RAD18: variants seen among roughly 807,000 people sequenced by gnomAD.
The protein encoded by RAD18 is RAD18 E3 ubiquitin protein ligase.
A neutral mutation model predicts 60.4 loss-of-function variants in RAD18; 47 were observed. That is an observed-to-expected ratio of 0.78 (90% CI 0.62 to 0.99). The LOEUF (loss-of-function observed/expected upper bound fraction) is 0.99, where lower values mean the gene tolerates loss of function less well. Among genes scored for constraint, RAD18 ranks in the 50% least tolerant of loss-of-function variants. The pLI is 0.00. For missense variants in RAD18, 640 were observed against 593.3 expected (o/e 1.08, Z -0.82); for synonymous variants, 225 against 195.5 (o/e 1.15, Z -1.26).
chr3:8,940,255 T>A (rs1201541010), intron 5 of RAD18, among the ~76,000 whole-genome samples: 1 of 152,120 alleles, frequency 6.6e-6, no homozygotes, highest in East Asian at 1.9e-4. Context: ...CCACCATGGA[T>A]AATAGGCAGA....
At chr3:8,946,455 G>A (rs1940841528) in intron 4 of RAD18, among the ~76,000 whole-genome samples, 1 of 152,188 alleles carries the variant, frequency 6.6e-6, no homozygotes, top group Non-Finnish European at 1.5e-5. Context: ...CTTAACTACA[G>A]GGGCACCTGA....
chr3:8,908,461 A>C lies in RAD18; in HGVS notation c.1027+3851T>G, dbSNP rs1575540708. ...CATAGAGGGAAGACGATGTCAAGAGACATAGGGAGAAGATGGCCATCTATA... is the reference window on the plus strand; with the variant it reads ...CATAGAGGGAAGACGATGTCAAGAGCCATAGGGAGAAGATGGCCATCTATA... On this transcript the variant is annotated intron_variant, in intron 9 of 12. Transcript: ENST00000264926. Among the ~76,000 whole-genome samples the C allele has an allele frequency of 3.9e-5, 6 of 152,224 alleles. No homozygotes were observed. In the South Asian group the frequency reaches 1.2e-3, roughly 32 times the overall value.
intron 1 of RAD18, among the ~76,000 whole-genome samples, chr3:8,962,444 CTACT>C (rs1228244968): frequency 1.3e-5 from 2 of 152,236 alleles, no homozygotes; most frequent in Non-Finnish European, 2.9e-5. Context: ...ACAAGGCCTT[CTACT>C]TACTTTAGCC....
intron 3 of RAD18, 122 bp from the exon 4 acceptor site, chr3:8,947,412 G>A: frequency 1.4e-6 from 1 of 735,250 alleles, no homozygotes. Flanking sequence ...GTCTTCTAAG[G>A]CAGCCTCAAA....
chr3:8,908,347 G>C (rs1377867871), intron 9 of RAD18, among the ~76,000 whole-genome samples: 1 of 151,428 alleles, frequency 6.6e-6, no homozygotes, highest in African/African-American at 2.4e-5. Context: ...GGAAATGACA[G>C]AGGAGCCACC....
chr3:8,930,440 T>C (rs964058844), intron 7 of RAD18, among the ~76,000 whole-genome samples: 2 of 152,188 alleles, frequency 1.3e-5, no homozygotes, highest in African/African-American at 4.8e-5. Flanking sequence ...GATACTGGGC[T>C]CTTTTCAGGG....
chr3:8,896,905 A>G (rs1486339358), intron 11 of RAD18, among the ~76,000 whole-genome samples: 3 of 152,212 alleles, frequency 2.0e-5, no homozygotes, highest in Non-Finnish European at 2.9e-5. Context: ...CCTTTTAGTC[A>G]ATCACTTTAA....
chr3:8,938,687 G>C (rs983521705), intron 6 of RAD18, among the ~76,000 whole-genome samples: 2 of 152,058 alleles, frequency 1.3e-5, no homozygotes, highest in Admixed American at 6.6e-5. Context: ...CTCTCTCCCT[G>C]GAAATAGTGG....
intron 7 of RAD18, among the ~76,000 whole-genome samples, chr3:8,928,776 C>G (rs1300561037): frequency 6.6e-6 from 1 of 152,136 alleles, no homozygotes; most frequent in African/African-American, 2.4e-5. Flanking sequence ...ATAGCATTTA[C>G]AGATCACTGC....
chr3:8,940,370 T>C (rs936635345), intron 5 of RAD18, among the ~76,000 whole-genome samples: 2 of 152,240 alleles, frequency 1.3e-5, no homozygotes, highest in South Asian at 4.1e-4. Context: ...GAAAAACAGT[T>C]AACCATCAAG....
At chr3:8,885,569 T>C (rs45551833) in intron 12 of RAD18, among the ~76,000 whole-genome samples, 4,492 of 152,280 alleles carry the variant, frequency 0.029, 217 homozygotes, top group African/African-American at 0.1. Context: ...TTATTTCTTA[T>C]AAATGATTAC....
intron 10 of RAD18, 41 bp from the exon 11 acceptor site, chr3:8,899,088 C>T (rs1939856160): frequency 1.4e-6 from 2 of 1,463,662 alleles, no homozygotes; most frequent in African/African-American, 2.8e-5. Flanking sequence ...AAATCTACAA[C>T]TTCTGTATGC....
At chr3:8,929,562 T>C (rs1186284248) in intron 7 of RAD18, among the ~76,000 whole-genome samples, 1 of 152,162 alleles carries the variant, frequency 6.6e-6, no homozygotes, top group Non-Finnish European at 1.5e-5. Context: ...AATTAATCAC[T>C]GTAATGTAAA....
intron 9 of RAD18, among the ~76,000 whole-genome samples, chr3:8,906,483 A>T (rs1033765056): frequency 2.7e-4 from 41 of 151,890 alleles, no homozygotes. Context: ...AACACTTCTG[A>T]CCTCTCTAAT....
intron 12 of RAD18, among the ~76,000 whole-genome samples, chr3:8,887,910 A>G (rs1211326955): frequency 2.6e-5 from 4 of 152,158 alleles, no homozygotes; most frequent in African/African-American, 9.7e-5. Context: ...GTGACATGCA[A>G]ACTAACCAAT....
chr3:8,943,229 A>C (rs1559794495), intron 4 of RAD18, among the ~76,000 whole-genome samples: 1 of 152,210 alleles, frequency 6.6e-6, no homozygotes, highest in African/African-American at 2.4e-5. Flanking sequence ...AGCAAGAAAA[A>C]GTAGCCACTA....
chr3:8,899,029 G>T lies in RAD18; in HGVS notation c.1187C>A (p.Thr396Asn). The change falls in exon 11 of 13, where the codon ACC becomes AAC. Residue 396 changes from threonine to asparagine, a missense_variant. Coordinates refer to ENST00000264926, the MANE Select transcript of RAD18 (RefSeq NM_020165.4). ...SVCMGQEDNMTSVTNHFSQSK... is the reference protein window; with the variant it reads ...SVCMGQEDNMNSVTNHFSQSK... ...TTGAGAAAAGTGGTTTGTTACTGAG[G>T]TCATATTATCTTCCTGTCCTAGGAA... is the stretch of plus-strand genomic sequence containing the variant. 1 of 1,596,312 alleles carries T rather than the reference G, an allele frequency of 6.3e-7. No homozygotes were observed. The highest frequency in any genetic ancestry group is 1.3e-5 in the African/African-American group (1 of 74,176).
chr3:8,922,859 A>T (rs886133650), intron 7 of RAD18, among the ~76,000 whole-genome samples: 1 of 152,196 alleles, frequency 6.6e-6, no homozygotes, highest in African/African-American at 2.4e-5. Flanking sequence ...GAGGGTCCTG[A>T]CTGTTAGAAG....
chr3:8,926,703 A>ACTGG, intron 7 of RAD18, among the ~76,000 whole-genome samples: 1 of 152,304 alleles, frequency 6.6e-6, no homozygotes, highest in East Asian at 1.9e-4. Context: ...ACTGGTACCA[A>ACTGG]AACAGAGATA....
Sources: gnomAD v4.1 joint callset for allele counts (sites outside exome capture counted in the v4.1 genomes callset) on GRCh38, gnomAD v4.1.1 for gene constraint, MANE v1.5 for transcripts, NCBI Gene and HGNC (gene_info 2026-07-23, HGNC 2026-07-21) for gene names.